Variants in NRXN3 observed in about 807,000 individuals in gnomAD.
NRXN3 encodes the protein neurexin 3, also known as neurexin III.
A neutral mutation model predicts 137.6 loss-of-function variants in NRXN3; 32 were observed. The observed-to-expected ratio is 0.23, with a 90% confidence interval of 0.18 to 0.31. The LOEUF is 0.31. Among genes scored for constraint, NRXN3 ranks in the 10% least tolerant of loss-of-function variants. NRXN3 has a pLI of 1.00. For synonymous variants in NRXN3, 798 were observed against 784.5 expected (o/e 1.02, Z -0.29); for missense variants, 1,574 against 2,062.5 (o/e 0.76, Z 4.59).
At chr14:78,183,376 T>C (rs2059978186) in intron 1 of NRXN3, among the ~76,000 whole-genome samples, 2 of 152,200 alleles carry the variant, frequency 1.3e-5, no homozygotes, top group Admixed American at 1.3e-4. Flanking sequence ...TGTCCCTGCC[T>C]GCTCACCCAA....
At chr14:78,348,265 G>A (rs2083010961) in intron 4 of NRXN3, among the ~76,000 whole-genome samples, 1 of 152,154 alleles carries the variant, frequency 6.6e-6, no homozygotes, top group Non-Finnish European at 1.5e-5. Flanking sequence ...AGATTCCCAG[G>A]GGATTCCTAT....
chr14:78,892,005 A>C (rs2099160329), intron 10 of NRXN3, among the ~76,000 whole-genome samples: 1 of 151,948 alleles, frequency 6.6e-6, no homozygotes, highest in African/African-American at 2.4e-5. Context: ...AGACATGCTC[A>C]GTCTTGTTCT....
At chr14:79,257,510 AGTGATGGTG>A (rs2076884490) in intron 15 of NRXN3, among the ~76,000 whole-genome samples, 1 of 9,536 alleles carries the variant, frequency 1.0e-4, no homozygotes, top group Non-Finnish European at 1.8e-4. Context: ...TGGTGGTGGT[AGTGATGGTG>A]GTGGTGGTGG....
At chr14:79,129,115 T>C (rs2152953460) in intron 15 of NRXN3, among the ~76,000 whole-genome samples, 1 of 152,310 alleles carries the variant, frequency 6.6e-6, no homozygotes, top group African/African-American at 2.4e-5. Context: ...TTGTTGATCC[T>C]TTCAAAAAAC....
At chr14:79,542,038 C>T (rs2153734988) in intron 16 of NRXN3, among the ~76,000 whole-genome samples, 1 of 152,284 alleles carries the variant, frequency 6.6e-6, no homozygotes. Flanking sequence ...AAAGAAGTAG[C>T]AATCACTAGC....
chr14:78,810,377 TA>T (rs770134012), intron 10 of NRXN3, 33 bp downstream of exon 10: 3 of 745,870 alleles, frequency 4.0e-6, no homozygotes, highest in African/African-American at 2.1e-5. Context: ...TTTTGTTCTT[TA>T]AAAAAAAAAA....
chr14:79,792,492 C>T (rs1384833447), intron 19 of NRXN3, among the ~76,000 whole-genome samples: 7 of 152,102 alleles, frequency 4.6e-5, no homozygotes, highest in Middle Eastern at 3.4e-3. Flanking sequence ...TGTATACAAA[C>T]GAAACACTTT....
chr14:78,186,410 C>CT (rs1271212385), intron 1 of NRXN3, among the ~76,000 whole-genome samples: 1 of 152,202 alleles, frequency 6.6e-6, no homozygotes, highest in Admixed American at 6.5e-5. Flanking sequence ...GTCTTTTATT[C>CT]TTTTTGCAGC....
chr14:78,640,600 G>T (rs891337904), intron 4 of NRXN3, among the ~76,000 whole-genome samples: 1 of 152,184 alleles, frequency 6.6e-6, no homozygotes, highest in Non-Finnish European at 1.5e-5. Context: ...GGGGAAAGAA[G>T]TGAAGAACAG....
At chr14:78,366,737 T>A (rs755922985) in intron 4 of NRXN3, among the ~76,000 whole-genome samples, 64 of 152,204 alleles carry the variant, frequency 4.2e-4, no homozygotes, top group Non-Finnish European at 7.6e-4. Flanking sequence ...TTATTCACTA[T>A]CATGAGAACA....
intron 4 of NRXN3, among the ~76,000 whole-genome samples, chr14:78,518,049 T>C (rs981384721): frequency 2.0e-5 from 3 of 152,174 alleles, no homozygotes; most frequent in Non-Finnish European, 4.4e-5. Context: ...CATCTTTTGT[T>C]AAGTTGTTAG....
At chr14:79,059,889 C>G (rs2099672042) in intron 15 of NRXN3, among the ~76,000 whole-genome samples, 1 of 152,210 alleles carries the variant, frequency 6.6e-6, no homozygotes, top group Non-Finnish European at 1.5e-5. Context: ...TCTCTCGAAT[C>G]AGACAGCACT....
At chr14:79,036,099 G>T (rs1242856540) in intron 15 of NRXN3, among the ~76,000 whole-genome samples, 1 of 151,968 alleles carries the variant, frequency 6.6e-6, no homozygotes, top group Non-Finnish European at 1.5e-5. Context: ...TTGGAGGACA[G>T]TTGCATTTTA....
chr14:78,944,348 G>A (rs1011424998), intron 10 of NRXN3, among the ~76,000 whole-genome samples: 4 of 152,138 alleles, frequency 2.6e-5, no homozygotes, highest in Admixed American at 6.5e-5. Context: ...CTCAGGATTC[G>A]CTTTAGTAAA....
intron 4 of NRXN3, among the ~76,000 whole-genome samples, chr14:78,617,645 T>A (rs1480125540): frequency 6.6e-6 from 1 of 152,006 alleles, no homozygotes; most frequent in Non-Finnish European, 1.5e-5. Context: ...AAGCTCTGGG[T>A]TGCTTCTTGG....
chr14:79,230,039 C>G (rs1447593522), intron 15 of NRXN3, among the ~76,000 whole-genome samples: 1 of 152,020 alleles, frequency 6.6e-6, no homozygotes, highest in East Asian at 1.9e-4. Flanking sequence ...CAGAGGTGAG[C>G]CATAATGAGG....
chr14:79,348,568 A>G (rs942292483), intron 15 of NRXN3, among the ~76,000 whole-genome samples: 4 of 151,876 alleles, frequency 2.6e-5, no homozygotes, highest in Non-Finnish European at 5.9e-5. Flanking sequence ...TAGTAGAGAC[A>G]GGGTTTCACT....
intron 18 of NRXN3, 91 bp downstream of exon 18, chr14:79,692,353 C>T (rs1046336224): frequency 1.4e-5 from 13 of 913,568 alleles, no homozygotes; most frequent in South Asian, 9.4e-5. Flanking sequence ...AAATGATAAT[C>T]GCCTGCTGCA....
At chr14:79,094,685 G>GT (rs759985567) in intron 15 of NRXN3, among the ~76,000 whole-genome samples, 31 of 152,150 alleles carry the variant, frequency 2.0e-4, no homozygotes, top group Non-Finnish European at 4.0e-4. Context: ...AGAAGTCTGA[G>GT]TTTTTGTTTG....
Sources: allele counts gnomAD v4.1 joint callset (sites outside exome capture counted in the v4.1 genomes callset), GRCh38; gene constraint gnomAD v4.1.1; transcripts MANE v1.5; gene names NCBI Gene and HGNC (gene_info 2026-07-23, HGNC 2026-07-21).